VDR: variants seen among roughly 807,000 people sequenced by gnomAD.
VDR encodes the protein vitamin D receptor.
VDR carries 19 observed loss-of-function variants against 39.7 expected under a neutral mutation model. The observed-to-expected ratio is 0.48, with a 90% confidence interval of 0.33 to 0.70. The LOEUF is 0.70. Ranked by LOEUF, VDR falls within the 30% of genes least tolerant of loss-of-function variation. VDR has a pLI of 0.02. For synonymous variants in VDR, 242 were observed against 215.8 expected (o/e 1.12, Z -1.07); for missense variants, 442 against 570.5 (o/e 0.77, Z 2.29).
intron 3 of VDR, among the ~76,000 whole-genome samples, chr12:47,870,477 G>T (rs971520418): frequency 2.0e-5 from 3 of 152,222 alleles, no homozygotes; most frequent in Non-Finnish European, 2.9e-5. Flanking sequence ...CTCAGGAAGG[G>T]GGGGTAGGGG....
At chr12:47,866,185 G>A (rs1039637802) in intron 3 of VDR, among the ~76,000 whole-genome samples, 35 of 151,458 alleles carry the variant, frequency 2.3e-4, no homozygotes, top group South Asian at 6.3e-4. Flanking sequence ...TCAGCTCACT[G>A]CAAGCTCCAC....
At chr12:47,900,313 T>C (rs1419404351) in intron 1 of VDR, among the ~76,000 whole-genome samples, 2 of 152,198 alleles carry the variant, frequency 1.3e-5, no homozygotes, top group Non-Finnish European at 2.9e-5. Flanking sequence ...AACTAGTTAG[T>C]ACATCTAACC....
chr12:47,853,479 G>A (rs367888013), intron 7 of VDR, among the ~76,000 whole-genome samples: 3 of 151,260 alleles, frequency 2.0e-5, no homozygotes, highest in Non-Finnish European at 4.4e-5. Flanking sequence ...TTGGCCGGGC[G>A]TGGTGGTTCA....
At chr12:47,880,357 G>A (rs544510972) in intron 2 of VDR, among the ~76,000 whole-genome samples, 2 of 152,204 alleles carry the variant, frequency 1.3e-5, no homozygotes, top group African/African-American at 4.8e-5. Flanking sequence ...CTGATCTAGG[G>A]TGTGGAATAT....
chr12:47,904,102 A>AGAGGAG (rs11574014), intron 1 of VDR, among the ~76,000 whole-genome samples: 158 of 148,640 alleles, frequency 1.1e-3, no homozygotes, highest in South Asian at 3.0e-3. Flanking sequence ...AGGAGGAACA[A>AGAGGAG]GAGGAGGAGG....
rs569737876 is a variant in VDR at position 47,858,483 on chromosome 12, C to T, written c.278-795G>A. On this transcript the variant is annotated intron_variant, in intron 4 of 9. Coordinates refer to ENST00000549336, the MANE Select transcript of VDR (RefSeq NM_000376.3). ...GAAGGCCCCAAAGGGTGAGGCCTTG[C>T]AGCTCTAATCTTAGAAGTTCTCTCC... is the stretch of plus-strand genomic sequence containing the variant. Among the ~76,000 whole-genome samples the T allele has an allele frequency of 6.6e-5, 10 of 152,360 alleles. No individual in the cohort carries two copies. In the East Asian group the frequency reaches 1.9e-3, roughly 29 times the overall value.
chr12:47,882,549 C>A (rs1946171799), intron 2 of VDR, 145 bp downstream of exon 2: 2 of 681,186 alleles, frequency 2.9e-6, no homozygotes, highest in Admixed American at 5.6e-5. Flanking sequence ...CAGTTGCAGA[C>A]TCTGCTGGCC....
chr12:47,867,022 A>C (rs75400294), intron 3 of VDR, among the ~76,000 whole-genome samples: 2 of 126,438 alleles, frequency 1.6e-5, no homozygotes, highest in East Asian at 2.8e-4. Flanking sequence ...CAAAACAAAA[A>C]AAACCCAGAA....
chr12:47,866,498 T>C (rs1413741683), intron 3 of VDR, among the ~76,000 whole-genome samples: 2 of 152,244 alleles, frequency 1.3e-5, no homozygotes, highest in Non-Finnish European at 2.9e-5. Flanking sequence ...TGAAGTCTTC[T>C]AGATTCTAGA....
rs1946078680 is a variant in VDR at position 47,879,069 on chromosome 12, G to A, written c.45C>T (p.Asp15=). The change falls in exon 3 of 10, where the codon GAC becomes GAT. Residue 15 remains aspartate, a synonymous_variant. Transcript: ENST00000549336. ...AASTSLPDPG[D]FDRNVPRICG... is the part of the protein sequence containing the mutation. ...AGATCCGGGGCACGTTCCGGTCAAA[G>A]TCTCCAGGGTCAGGCAGGGAAGTGC... 1 of 1,614,052 alleles carries A rather than the reference G, an allele frequency of 6.2e-7. No homozygotes were observed.
In VDR at chr12:47,844,761, G is replaced by A. The variant is rs1446478103; in HGVS notation, c.1269C>T (p.Gly423=). The stretch of plus-strand genomic sequence containing the variant: ...GCTGTCCTAGTCAGGAGATCTCATT[G>A]CCAAACACTTCGAGCACAAGGGGCG... ...KLTPLVLEVF[G]NEIS is the part of the protein sequence containing the mutation. The change falls in exon 10 of 10, where the codon GGC becomes GGT. Residue 423 remains glycine, a synonymous_variant. Transcript: ENST00000549336. 2.5e-6 allele frequency: 4 copies of A among 1,614,056 alleles called. No homozygotes were observed. The highest frequency in any genetic ancestry group is 1.7e-5 in the Admixed American group (1 of 60,018).
intron 1 of VDR, among the ~76,000 whole-genome samples, chr12:47,885,197 GA>G (rs1438163120): frequency 2.0e-5 from 3 of 152,192 alleles, no homozygotes; most frequent in Non-Finnish European, 2.9e-5. Context: ...AAGCTTCAGA[GA>G]AGCAGAGGGG....
chr12:47,871,425 C>A (rs1436871748), intron 3 of VDR, among the ~76,000 whole-genome samples: 1 of 147,328 alleles, frequency 6.8e-6, no homozygotes, highest in Non-Finnish European at 1.5e-5. Context: ...GTCTGTCTAT[C>A]TGTCTTTCCT....
At chr12:47,890,378 TA>T (rs113833886) in intron 1 of VDR, among the ~76,000 whole-genome samples, 2 of 102,852 alleles carry the variant, frequency 1.9e-5, no homozygotes, top group African/African-American at 2.6e-4. Flanking sequence ...ATATATATTT[TA>T]TATATATATA....
Position 47,876,241 on chromosome 12 carries a change from A to G in VDR, c.146+2727T>C, listed in dbSNP as rs538378778. Among the ~76,000 whole-genome samples the G allele has an allele frequency of 4.9e-4, 67 of 136,980 alleles. No homozygotes were observed. The East Asian group carries it at 6.8e-3, about 14-fold the overall frequency. The allele number at this position is 136,980 out of a possible 152,430, so 89.9% of individuals were successfully genotyped here. A position where few individuals can be genotyped will look rare whatever the true frequency, so the allele number is the denominator to read the frequency against. On this transcript the variant is annotated intron_variant, in intron 3 of 9. Coordinates refer to ENST00000549336, the MANE Select transcript of VDR (RefSeq NM_000376.3). ...TGACTGTGTGTGTGTGTGTGTGTGC[A>G]TGTGTGTGTTTGTTTATGTACATAT...
intron 7 of VDR, among the ~76,000 whole-genome samples, chr12:47,849,974 C>G (rs1042012268): frequency 6.6e-6 from 1 of 152,054 alleles, no homozygotes; most frequent in East Asian, 1.9e-4. Context: ...TCTCAGCCTG[C>G]GGAGAAGCTG....
intron 7 of VDR, among the ~76,000 whole-genome samples, chr12:47,848,266 A>G (rs1049693026): frequency 1.3e-5 from 2 of 151,532 alleles, no homozygotes; most frequent in Non-Finnish European, 2.9e-5. Context: ...CCTGGCCTCA[A>G]GTGATCCTCT....
At chr12:47,897,467 C>T (rs536896882) in intron 1 of VDR, among the ~76,000 whole-genome samples, 28 of 152,206 alleles carry the variant, frequency 1.8e-4, no homozygotes, top group African/African-American at 5.5e-4. Flanking sequence ...CCTGCCTGCC[C>T]GGAGCTGACA....
intron 2 of VDR, 131 bp from the exon 3 acceptor site, chr12:47,879,246 G>T: frequency 8.6e-7 from 1 of 1,162,362 alleles, no homozygotes; most frequent in Non-Finnish European, 1.2e-6. Context: ...CTCAGCAAGG[G>T]TGGGCATCTC....
Sources: gnomAD v4.1 joint callset for allele counts (sites outside exome capture counted in the v4.1 genomes callset) on GRCh38, gnomAD v4.1.1 for gene constraint, MANE v1.5 for transcripts, NCBI Gene and HGNC (gene_info 2026-07-23, HGNC 2026-07-21) for gene names.